Variants in TECR observed in about 807,000 individuals in gnomAD.
TECR encodes trans-2,3-enoyl-CoA reductase.
In TECR, 19 loss-of-function variants were observed where a neutral mutation model predicts 50.6. The ratio of observed to expected loss-of-function variants is 0.38; its 90% confidence interval spans 0.26 to 0.55. TECR has a LOEUF of 0.55. TECR is among the 20% of genes least tolerant of loss of function. The probability of loss-of-function intolerance (pLI) is 0.79; values close to 1 mark genes in which losing one functional copy is unlikely to be tolerated. For synonymous variants in TECR, 168 were observed against 163.5 expected (o/e 1.03, Z -0.21); for missense variants, 313 against 408.3 (o/e 0.77, Z 2.01).
chr19:14,533,300 A>G (rs1309563565), intron 1 of TECR, among the ~76,000 whole-genome samples: 1 of 150,942 alleles, frequency 6.6e-6, no homozygotes, highest in African/African-American at 2.4e-5. Context: ...CACGCCTGAA[A>G]TCCCAGGTAC....
At position 14,562,485 on chromosome 19, in the gene TECR, G is replaced by C. The variant is rs748641544; in HGVS notation, c.16-40G>C. 1.9e-6 allele frequency: 3 copies of C among 1,613,754 alleles called. No individual in the cohort carries two copies. The African/African-American group carries it at 4.0e-5, about 22-fold the overall frequency. ...GGCTCCCCAGGCCCACACCCCCAAA[G>C]GTGGCCAAGAAACCTAAAAAGGCTG... is the stretch of plus-strand genomic sequence containing the variant. On this transcript the variant is annotated intron_variant, in intron 1 of 12. Transcript: ENST00000215567.
intron 1 of TECR, among the ~76,000 whole-genome samples, chr19:14,542,376 T>C (rs373010665): frequency 5.4e-5 from 6 of 110,206 alleles, no homozygotes; most frequent in African/African-American, 1.1e-4. Context: ...TTTTTTTTTT[T>C]CTGAGATGGA....
intron 8 of TECR, 26 bp from the exon 9 acceptor site, chr19:14,564,923 G>A: frequency 6.2e-7 from 1 of 1,613,996 alleles, no homozygotes; most frequent in Non-Finnish European, 8.5e-7. Flanking sequence ...TCCCCTCATG[G>A]GCTCCCCTCC....
intron 1 of TECR, among the ~76,000 whole-genome samples, chr19:14,551,376 A>AT (rs367743982): frequency 1.6e-4 from 25 of 152,174 alleles, no homozygotes; most frequent in African/African-American, 6.0e-4. Context: ...CACCTGGCCA[A>AT]TTATTATATT....
At chr19:14,553,429 T>G (rs2073608370) in intron 1 of TECR, among the ~76,000 whole-genome samples, 1 of 152,060 alleles carries the variant, frequency 6.6e-6, no homozygotes, top group Non-Finnish European at 1.5e-5. Context: ...ACATTCTGCT[T>G]CCACTGTGGC....
intron 1 of TECR, among the ~76,000 whole-genome samples, chr19:14,554,503 C>A (rs986265988): frequency 6.6e-6 from 1 of 152,152 alleles, no homozygotes; most frequent in Admixed American, 6.5e-5. Flanking sequence ...TGTTTACAGC[C>A]GGGAGAGGAC....
intron 1 of TECR, among the ~76,000 whole-genome samples, chr19:14,534,589 C>A (rs1325549753): frequency 6.7e-6 from 1 of 149,872 alleles, no homozygotes; most frequent in Non-Finnish European, 1.5e-5. Context: ...GTGGGTGCCA[C>A]CATGCCCGGC....
At chr19:14,544,568 A>G (rs967605891) in intron 1 of TECR, among the ~76,000 whole-genome samples, 17 of 131,382 alleles carry the variant, frequency 1.3e-4, no homozygotes, top group Admixed American at 1.0e-3. Flanking sequence ...CCTTGGTGAT[A>G]GTAGCAGAGG....
chr19:14,558,186 C>T (rs1049242698), intron 1 of TECR, among the ~76,000 whole-genome samples: 40 of 152,268 alleles, frequency 2.6e-4, no homozygotes, highest in African/African-American at 8.2e-4. Flanking sequence ...TTGCCCAGGG[C>T]CACACAGCCA....
chr19:14,529,994 C>T (rs1055006155), intron 1 of TECR: 2 of 544,962 alleles, frequency 3.7e-6, no homozygotes, highest in South Asian at 2.1e-5. Flanking sequence ...GCTCCCCCAG[C>T]GGGCTGAGTT....
rs545096101 is a variant in TECR at position 14,565,977 on chromosome 19, C to G, written c.*106C>G. On this transcript the variant is annotated 3_prime_UTR_variant, in exon 13 of 13. Coordinates refer to ENST00000215567, the MANE Select transcript of TECR (RefSeq NM_138501.6). ...CGGAATAAAGCCCGCCTGCCCCAGT[C>G]GGACTCGGGCTCTGTGTGTTTCTTT... 6.4e-6 allele frequency: 10 copies of G among 1,553,674 alleles called. No individual in the cohort carries two copies. Among genetic ancestry groups the G allele is most frequent in the Non-Finnish European group, 8.7e-6 (10 of 1,150,314 alleles).
At chr19:14,547,303 G>C (rs1428650792) in intron 1 of TECR, among the ~76,000 whole-genome samples, 1 of 152,138 alleles carries the variant, frequency 6.6e-6, no homozygotes, top group Non-Finnish European at 1.5e-5. Context: ...TAAAGCTTGG[G>C]TAAAAATATT....
At position 14,550,006 on chromosome 19, in the gene TECR, T is replaced by C. The variant is rs1321210361; in HGVS notation, c.16-12519T>C. ...CCTTCAACTGCCACTCCCTGTCCCC[T>C]TTCCTTTCTTTCTTCTTTCCATGTC... On this transcript the variant is annotated intron_variant, in intron 1 of 12. Transcript: ENST00000215567. 2.1e-5 allele frequency among the ~76,000 whole-genome samples: 3 copies of C among 145,668 alleles called. No individual in the cohort carries two copies. In the East Asian group the frequency reaches 5.9e-4, roughly 28 times the overall value.
chr19:14,563,573 C>A lies in TECR; in HGVS notation c.119-85C>A. The A allele has an allele frequency of 2.5e-6, 4 of 1,586,068 alleles. No individual in the cohort carries two copies. The highest frequency in any genetic ancestry group is 1.3e-5 in the African/African-American group (1 of 74,428). On this transcript the variant is annotated intron_variant, in intron 3 of 12. Transcript: ENST00000215567. The surrounding 1 kb of genome is among the most constrained non-coding windows in gnomAD (Gnocchi z 5.3). ...CCTGGGGTCCTTGCACCCTGGGAACCCTGAGAAGCTGGCACAGTGGCTGGG... is the reference window on the plus strand; with the variant it reads ...CCTGGGGTCCTTGCACCCTGGGAACACTGAGAAGCTGGCACAGTGGCTGGG...
intron 11 of TECR, 148 bp downstream of exon 11, chr19:14,565,438 T>C: frequency 7.4e-7 from 1 of 1,347,644 alleles, no homozygotes. Context: ...CTCTCTGCTG[T>C]GGTGGCGGGG....
In TECR at chr19:14,562,515, C is replaced by A. The variant is rs1429862544; in HGVS notation, c.16-10C>A. ...CCAAGAAACCTAAAAAGGCTGTTCTCTTCTTCGAGGTGGAGATTCTGGACG... is the reference window on the plus strand; with the variant it reads ...CCAAGAAACCTAAAAAGGCTGTTCTATTCTTCGAGGTGGAGATTCTGGACG... On this transcript the variant is annotated splice_polypyrimidine_tract_variant and intron_variant, in intron 1 of 12. Coordinates refer to ENST00000215567, the MANE Select transcript of TECR (RefSeq NM_138501.6). 1 of 1,614,234 alleles carries A rather than the reference C, an allele frequency of 6.2e-7. No homozygotes were observed. The highest frequency in any genetic ancestry group is 1.1e-5 in the South Asian group (1 of 91,092).
chr19:14,561,073 C>T (rs767387438), intron 1 of TECR, among the ~76,000 whole-genome samples: 49 of 152,146 alleles, frequency 3.2e-4, no homozygotes, highest in African/African-American at 1.1e-3. Flanking sequence ...CCCTTGTCTC[C>T]CGCTGTCGTT....
chr19:14,563,319 G>GATCCCTCCCACCCTA lies in TECR; in HGVS notation c.118+63_118+64insTCCCTCCCACCCTAA. The stretch of plus-strand genomic sequence containing the variant: ...CCTTTGACCAGGGACCTTAGGGTGG[G>GATCCCTCCCACCCTA]AGGGATCCCATCCTGCACCCCTCTC... On this transcript the variant is annotated intron_variant, in intron 3 of 12. Coordinates refer to ENST00000215567, the MANE Select transcript of TECR (RefSeq NM_138501.6). This position sits in a 1 kb window ranked among gnomAD's most constrained non-coding sequence, Gnocchi z 5.3. 1 of 1,464,858 alleles carries GATCCCTCCCACCCTA rather than the reference G, an allele frequency of 6.8e-7. No homozygotes were observed. The highest frequency in any genetic ancestry group is 9.5e-7 in the Non-Finnish European group (1 of 1,053,846). 90.7% of individuals were successfully genotyped at this position (1,464,858 alleles called of 1,614,324 possible). A position where few individuals can be genotyped will look rare whatever the true frequency, so the allele number is the denominator to read the frequency against.
chr19:14,565,339 T>G (rs1599508128), intron 11 of TECR, 49 bp downstream of exon 11: 5 of 1,600,918 alleles, frequency 3.1e-6, no homozygotes, highest in Non-Finnish European at 4.3e-6. Flanking sequence ...GGGTCCCATG[T>G]GGAGGGACCA....
Sources: gnomAD v4.1 joint callset for allele counts (sites outside exome capture counted in the v4.1 genomes callset) on GRCh38, gnomAD v4.1.1 for gene constraint, Gnocchi (gnomAD v3.1) non-coding constraint, MANE v1.5 for transcripts, NCBI Gene and HGNC (gene_info 2026-07-23, HGNC 2026-07-21) for gene names.